Variants in WDFY4 observed in about 807,000 individuals in gnomAD.
WDFY4 encodes WD repeat- and FYVE domain-containing protein 4.
A neutral mutation model predicts 351.9 loss-of-function variants in WDFY4; 169 were observed. The ratio of observed to expected loss-of-function variants is 0.48; its 90% CI spans 0.42 to 0.55. The LOEUF is 0.55. Among genes scored for constraint, WDFY4 ranks in the 20% least tolerant of loss-of-function variants. The pLI, the probability that WDFY4 is intolerant of heterozygous loss-of-function variation, is 0.00. For synonymous variants in WDFY4, 1,622 were observed against 1,574.6 expected (o/e 1.03, Z -0.71); for missense variants, 3,803 against 3,935.6 (o/e 0.97, Z 0.90).
Position 48,805,404 on chromosome 10 carries a change from C to T in WDFY4, c.4629C>T (p.Ser1543=), listed in dbSNP as rs777127291. The change falls in exon 26 of 62, where the codon AGC becomes AGT. Residue 1543 remains serine, a synonymous_variant. Transcript: ENST00000325239. ...CCTGTCAGCTGAGGGGCCACTTCAG[C>T]ACCCAGGACTTGCTCAGGTACCACA... is the stretch of plus-strand genomic sequence containing the variant. ...ILACQLRGHF[S]TQDLLRIGLF... is the part of the protein sequence containing the mutation. The T allele has an allele frequency of 6.5e-7, 1 of 1,548,852 alleles. No homozygotes were observed. The highest frequency in any genetic ancestry group is 1.2e-5 in the South Asian group (1 of 84,062).
intron 40 of WDFY4, among the ~76,000 whole-genome samples, chr10:48,868,671 C>G (rs542742159): frequency 2.0e-5 from 3 of 152,232 alleles, no homozygotes; most frequent in African/African-American, 7.2e-5. Flanking sequence ...GGATTGCATC[C>G]TTTATTGGTG....
At position 48,776,927 on chromosome 10, in the gene WDFY4, A is replaced by G; in HGVS notation, c.3041A>G (p.Gln1014Arg). ...ACCTCCCCACGCAACCTGCAGCCTC[A>G]GAGGGCAGCCCTGGCCCCATCGTTT... ...SMTSPRNLQP[Q>R]RAALAPSFVE... The change falls in exon 16 of 62, where the codon CAG becomes CGG. Residue 1014 changes from glutamine (Q) to arginine (R), a missense_variant. By Grantham distance (43) the Gln-to-Arg change is conservative (BLOSUM62 1). Around this residue, in one of 3 missense-constraint regions of WDFY4, gnomAD observed 3,054 missense variants for 3,148.6 expected, o/e 0.97. Transcript: ENST00000325239. The G allele has an allele frequency of 1.3e-6, 2 of 1,552,312 alleles. No individual in the cohort carries two copies. The highest frequency in any genetic ancestry group is 1.7e-6 in the Non-Finnish European group (2 of 1,147,112).
chr10:48,778,003 T>G (rs770157893), intron 17 of WDFY4, among the ~76,000 whole-genome samples: 2 of 152,210 alleles, frequency 1.3e-5, no homozygotes, highest in Non-Finnish European at 2.9e-5. Flanking sequence ...TGATGGCCGT[T>G]GAGAATAGAC....
chr10:48,784,422 G>GGCTAATGA (rs1555008622), intron 19 of WDFY4, among the ~76,000 whole-genome samples: 1 of 151,366 alleles, frequency 6.6e-6, no homozygotes, highest in Non-Finnish European at 1.5e-5. Flanking sequence ...TTTCCTTAGT[G>GGCTAATGA]GCTAATGAGG....
rs1475313058 is a variant in WDFY4, at chr10:48,966,606, G to C, written c.8517G>C (p.Leu2839=). 6.4e-7 allele frequency: 1 copy of C among 1,551,952 alleles called. No homozygotes were observed. The highest frequency in any genetic ancestry group is 1.2e-5 in the South Asian group (1 of 84,056). The change falls in exon 55 of 62, where the codon CTG becomes CTC. Residue 2839 remains leucine, a synonymous_variant. Transcript: ENST00000325239. ...AGGATGTCTCCACCCCCGTGAGCCT[G>C]CCTGGCCACCCACAGCCCTTTTTCT... ...PGKDVSTPVS[L]PGHPQPFFYS...
chr10:48,743,278 T>A lies in WDFY4; in HGVS notation c.2189T>A (p.Leu730Gln). ...GGAGCCCTGGAGGAAGAGGGCAACC[T>A]GCTGCGCTCTTGGGTGGACACAAAG... ...CFGALEEEGN[L>Q]LRSWVDTKAR... Residue 730 changes from leucine to glutamine, a missense_variant, in exon 12 of 62, where the codon CTG becomes CAG. Around this residue, in one of 3 missense-constraint regions of WDFY4, gnomAD observed 3,054 missense variants for 3,148.6 expected, o/e 0.97. Coordinates refer to ENST00000325239, the MANE Select transcript of WDFY4 (RefSeq NM_001394531.1). 6.4e-7 allele frequency: 1 copy of A among 1,551,742 alleles called. No homozygotes were observed. Among genetic ancestry groups the A allele is most frequent in the South Asian group, 1.2e-5 (1 of 84,066 alleles).
At chr10:48,955,423 C>T (rs1841537801) in intron 51 of WDFY4, among the ~76,000 whole-genome samples, 1 of 152,206 alleles carries the variant, frequency 6.6e-6, no homozygotes, top group African/African-American at 2.4e-5. Context: ...CCAGGTGTGG[C>T]CACCTTGGGT....
chr10:48,759,419 G>A (rs1300830267), intron 12 of WDFY4, among the ~76,000 whole-genome samples: 4 of 152,068 alleles, frequency 2.6e-5, no homozygotes, highest in East Asian at 1.9e-4. Context: ...TCTGTCTCTG[G>A]GGCCATGCAG....
chr10:48,883,649 C>A lies in WDFY4; in HGVS notation c.7167+6450C>A, dbSNP rs371956003. Among the ~76,000 whole-genome samples the A allele has an allele frequency of 9.2e-5, 14 of 152,302 alleles. No homozygotes were observed. In the South Asian group the frequency reaches 2.9e-3, roughly 32 times the overall value. On this transcript the variant is annotated intron_variant, in intron 43 of 61. Coordinates refer to ENST00000325239, the MANE Select transcript of WDFY4 (RefSeq NM_001394531.1). ...CCCTACCGTCTCAGAAATGCTTGAT[C>A]ATATGGCCTTTGCTGGACACATGGC...
rs184854173 is a variant in WDFY4 at position 48,815,330 on chromosome 10, A to G, written c.5340+1248A>G. On this transcript the variant is annotated intron_variant, in intron 31 of 61. Transcript: ENST00000325239. ...ATCATTTTTCATATGTTTATTAGCT[A>G]TCTTTATTTATTTTCCTCTCTCTCT... Among the ~76,000 whole-genome samples, 27 of 151,108 alleles carry G rather than the reference A, an allele frequency of 1.8e-4. No individual in the cohort carries two copies. The East Asian group carries it at 4.8e-3, about 27-fold the overall frequency.
rs547501098 is a variant in WDFY4, at chr10:48,947,792, G to T, written c.7977+823G>T. ...AACGGGGAGATAGCCCTCAGATAGG[G>T]CAGCTGGCTCGGCTGACTCTAAAGA... On this transcript the variant is annotated intron_variant, in intron 51 of 61. Coordinates refer to ENST00000325239, the MANE Select transcript of WDFY4 (RefSeq NM_001394531.1). 2.6e-5 allele frequency among the ~76,000 whole-genome samples: 4 copies of T among 152,324 alleles called. No individual in the cohort carries two copies. In the East Asian group the frequency reaches 5.8e-4, roughly 22 times the overall value.
At chr10:48,928,398 T>TGTGTGTGTGTGTG (rs1839766024) in intron 47 of WDFY4, among the ~76,000 whole-genome samples, 4 of 55,938 alleles carry the variant, frequency 7.2e-5, no homozygotes, top group Non-Finnish European at 1.8e-4. Flanking sequence ...GTGTGTGTGT[T>TGTGTGTGTGTGTG]GGTGGGGGTT....
intron 47 of WDFY4, among the ~76,000 whole-genome samples, chr10:48,920,150 C>T (rs926025843): frequency 6.1e-4 from 92 of 152,036 alleles, no homozygotes; most frequent in Non-Finnish European, 1.2e-3. Flanking sequence ...ATAATTGATG[C>T]AGAAAAGACA....
intron 39 of WDFY4, among the ~76,000 whole-genome samples, chr10:48,865,215 C>T (rs1446881232): frequency 6.6e-6 from 1 of 152,068 alleles, no homozygotes; most frequent in African/African-American, 2.4e-5. Flanking sequence ...TTGTAGTTAC[C>T]CTTTATGAGA....
chr10:48,811,791 A>C (rs900943269), intron 30 of WDFY4, 83 bp downstream of exon 30: 8 of 1,375,182 alleles, frequency 5.8e-6, no homozygotes, highest in Non-Finnish European at 7.9e-6. Context: ...GACCCTCTGC[A>C]CTTACCTCCC....
intron 42 of WDFY4, among the ~76,000 whole-genome samples, chr10:48,876,187 A>G (rs951935211): frequency 1.3e-5 from 2 of 151,916 alleles, no homozygotes; most frequent in African/African-American, 4.8e-5. Context: ...TCTCCTACAC[A>G]CCTCTCCCTG....
At chr10:48,782,407 T>G (rs982479372) in intron 19 of WDFY4, among the ~76,000 whole-genome samples, 59 of 152,238 alleles carry the variant, frequency 3.9e-4, no homozygotes, top group African/African-American at 1.4e-3. Context: ...ATGAACTGAA[T>G]TGAATGTGCA....
intron 47 of WDFY4, among the ~76,000 whole-genome samples, chr10:48,912,324 C>T (rs1011946598): frequency 1.3e-5 from 2 of 152,226 alleles, no homozygotes; most frequent in African/African-American, 4.8e-5. Context: ...TTTAGAGGCA[C>T]AGAACACTTG....
chr10:48,766,356 C>G (rs540751415), intron 13 of WDFY4, among the ~76,000 whole-genome samples: 1 of 152,214 alleles, frequency 6.6e-6, no homozygotes, highest in East Asian at 1.9e-4. Context: ...TTTGGGAGTC[C>G]AAGGCAGGAG....
Sources: gnomAD v4.1 joint callset for allele counts (sites outside exome capture counted in the v4.1 genomes callset) on GRCh38, gnomAD v4.1.1 for gene constraint, gnomAD v4.1.1 regional missense constraint, MANE v1.5 for transcripts, NCBI Gene and HGNC (gene_info 2026-07-23, HGNC 2026-07-21) for gene names.